The following PIP4K2C variants were observed in gnomAD, a reference collection of about 807,000 sequenced individuals.
PIP4K2C encodes phosphatidylinositol 5-phosphate 4-kinase type-2 gamma.
In PIP4K2C, 21 loss-of-function variants were observed where a neutral mutation model predicts 45.0. The ratio of observed to expected loss-of-function variants is 0.47; its 90% CI spans 0.33 to 0.67. The LOEUF is 0.67. PIP4K2C is among the 30% of genes least tolerant of loss of function. The pLI is 0.02. For missense variants in PIP4K2C, 456 were observed against 542.8 expected, an observed-to-expected ratio of 0.84 and a Z score of 1.59; for synonymous variants, 201 against 204.8, an observed-to-expected ratio of 0.98 and a Z score of 0.16.
At chr12:57,591,693 G>A (rs1191066425) in intron 1 of PIP4K2C, among the ~76,000 whole-genome samples, 1 of 152,094 alleles carries the variant, frequency 6.6e-6, no homozygotes, top group Non-Finnish European at 1.5e-5. Flanking sequence ...CCTTCCCCCC[G>A]TGAAATCCAG....
rs963121113 is a variant in PIP4K2C at position 57,601,700 on chromosome 12, C to G, written c.*94C>G. 6 of 1,147,744 alleles carry G rather than the reference C, an allele frequency of 5.2e-6. No individual in the cohort carries two copies. In the Middle Eastern group the frequency reaches 5.9e-4, roughly 114 times the overall value. 71.1% of individuals were successfully genotyped at this position (1,147,744 alleles called of 1,614,324 possible). A position where few individuals can be genotyped will look rare whatever the true frequency, so the allele number is the denominator to read the frequency against. ...TATTCTAGCCACCAGTTCTCTTCTTCCTTTGCTAAATTCAGGCTGCAGGCT... is the reference window on the plus strand; with the variant it reads ...TATTCTAGCCACCAGTTCTCTTCTTGCTTTGCTAAATTCAGGCTGCAGGCT... On this transcript the variant is annotated 3_prime_UTR_variant, in exon 10 of 10. Coordinates refer to ENST00000354947, the MANE Select transcript of PIP4K2C (RefSeq NM_024779.5).
Position 57,596,437 on chromosome 12 carries a change from A to G in PIP4K2C, c.513+406A>G, listed in dbSNP as rs1330853947. Among the ~76,000 whole-genome samples, 6 of 151,792 alleles carry G rather than the reference A, an allele frequency of 4.0e-5. No homozygotes were observed. The East Asian group carries it at 9.7e-4, about 24-fold the overall frequency. ...GAAGCGGAGGTTGTAGTGAGCCGAG[A>G]TCGTGCATTTGCACTTCAGCCTGGG... On this transcript the variant is annotated intron_variant, in intron 4 of 9. Coordinates refer to ENST00000354947, the MANE Select transcript of PIP4K2C (RefSeq NM_024779.5).
intron 2 of PIP4K2C, among the ~76,000 whole-genome samples, chr12:57,594,852 C>T (rs1405152668): frequency 6.6e-6 from 1 of 152,102 alleles, no homozygotes; most frequent in African/African-American, 2.4e-5. Context: ...TGCCTGTAGT[C>T]CCAGCTACTT....
intron 4 of PIP4K2C, 72 bp downstream of exon 4, chr12:57,596,103 T>C: frequency 1.3e-6 from 2 of 1,513,086 alleles, no homozygotes; most frequent in Non-Finnish European, 9.1e-7. Context: ...TTGTCAGTAA[T>C]AGATGCCAAC....
intron 1 of PIP4K2C, 90 bp downstream of exon 1, chr12:57,591,553 A>G (rs1882958620): frequency 7.2e-7 from 1 of 1,380,344 alleles, no homozygotes; most frequent in Non-Finnish European, 9.7e-7. Context: ...CCGGAGCCCC[A>G]CGCAGTGCCA....
chr12:57,593,160 T>C (rs1387115738), intron 1 of PIP4K2C, among the ~76,000 whole-genome samples: 1 of 152,052 alleles, frequency 6.6e-6, no homozygotes, highest in Non-Finnish European at 1.5e-5. Context: ...CTTGAAGAGC[T>C]CACAATCTAG....
At chr12:57,598,663 T>C (rs1043431122) in intron 4 of PIP4K2C, among the ~76,000 whole-genome samples, 2 of 151,660 alleles carry the variant, frequency 1.3e-5, no homozygotes, top group South Asian at 4.2e-4. Context: ...TTTTAAATTA[T>C]GGGAATCTAG....
Position 57,595,996 on chromosome 12 carries a change from G to A in PIP4K2C, c.478G>A (p.Ala160Thr), listed in dbSNP as rs1883177890. The change falls in exon 4 of 10, where the codon GCT becomes ACT. Residue 160 changes from alanine to threonine, a missense_variant. Coordinates refer to ENST00000354947, the MANE Select transcript of PIP4K2C (RefSeq NM_024779.5). ...CAAAGAAGTATCCAGTGAGGACATT[G>A]CTGACATGCATAGCAACCTCTCCAA... is the stretch of plus-strand genomic sequence containing the variant. ...VIKEVSSEDI[A>T]DMHSNLSNYH... The A allele has an allele frequency of 6.2e-7, 1 of 1,613,926 alleles. No individual in the cohort carries two copies.
At position 57,602,224 on chromosome 12, in the gene PIP4K2C, A is replaced by T. The variant is rs765377835; in HGVS notation, c.*618A>T. 1 of 154,214 alleles carries T rather than the reference A, an allele frequency of 6.5e-6. No homozygotes were observed. 9.6% of individuals were successfully genotyped at this position (154,214 alleles called of 1,614,324 possible). A position where few individuals can be genotyped will look rare whatever the true frequency, so the allele number is the denominator to read the frequency against. The stretch of plus-strand genomic sequence containing the variant: ...CAGCCTGGCACCTCACAGAGGTGGG[A>T]CCTAAGAGGACTCATGATTATGCAG... On this transcript the variant is annotated 3_prime_UTR_variant, in exon 10 of 10. Coordinates refer to ENST00000354947, the MANE Select transcript of PIP4K2C (RefSeq NM_024779.5).
Position 57,599,101 on chromosome 12 carries a change from C to G in PIP4K2C, c.550C>G (p.Gln184Glu). 1 of 1,614,214 alleles carries G rather than the reference C, an allele frequency of 6.2e-7. No homozygotes were observed. Among genetic ancestry groups the G allele is most frequent in the South Asian group, 1.1e-5 (1 of 91,088 alleles). Residue 184 changes from glutamine (Q) to glutamate (E), a missense_variant, in exon 5 of 10, where the codon CAG (glutamine) becomes GAG (glutamate). Gln to Glu is a conservative substitution (Grantham distance 29, BLOSUM62 2). This residue lies in a region of PIP4K2C where 421 missense variants were observed against 473.1 expected (regional missense o/e 0.89). Transcript: ENST00000354947. ...VKCHGNTLLP[Q>E]FLGMYRVSVD... ...GTGCCATGGCAACACGCTTCTGCCC[C>G]AGTTCCTGGGGATGTACCGAGTCAG...
intron 2 of PIP4K2C, 113 bp downstream of exon 2, chr12:57,594,235 A>T: frequency 2.4e-6 from 2 of 830,700 alleles, no homozygotes; most frequent in Admixed American, 2.8e-5. Context: ...TGCAGAAATT[A>T]GTTTTGTGCA....
At position 57,603,360 on chromosome 12, in the gene PIP4K2C, AATTT is replaced by A. The variant is rs1166295763; in HGVS notation, c.*1757_*1760del. 6.6e-6 allele frequency: 1 copy of A among 152,012 alleles called. No individual in the cohort carries two copies. Among genetic ancestry groups the A allele is most frequent in the Non-Finnish European group, 1.5e-5 (1 of 67,992 alleles). The allele number at this position is 152,012 out of a possible 1,614,324, so 9.4% of individuals were successfully genotyped here. On this transcript the variant is annotated 3_prime_UTR_variant, in exon 10 of 10. Transcript: ENST00000354947. ...TCATCTTTTTTGTTTTATTAATAAA[AATTT>A]ATGTATTTGCTCCTGTTACTATAAT...
rs1345384797 is a variant in PIP4K2C at position 57,601,626 on chromosome 12, T to C, written c.*20T>C. 6.3e-7 allele frequency: 1 copy of C among 1,581,492 alleles called. No homozygotes were observed. Among genetic ancestry groups the C allele is most frequent in the Admixed American group, 1.7e-5 (1 of 59,954 alleles). ...GCCTAAGAGACTGCCTGGTTCTCTC[T>C]GATGTTCAAGGTGGTGGGGTTCTGA... On this transcript the variant is annotated 3_prime_UTR_variant, in exon 10 of 10. Transcript: ENST00000354947.
Position 57,601,706 on chromosome 12 carries a change from C to A in PIP4K2C, c.*100C>A. 9.3e-7 allele frequency: 1 copy of A among 1,080,192 alleles called. No individual in the cohort carries two copies. The highest frequency in any genetic ancestry group is 1.4e-6 in the Non-Finnish European group (1 of 698,548). 66.9% of individuals were successfully genotyped at this position (1,080,192 alleles called of 1,614,324 possible). On this transcript the variant is annotated 3_prime_UTR_variant, in exon 10 of 10. Transcript: ENST00000354947. Reference sequence around the variant, plus strand: ...AGCCACCAGTTCTCTTCTTCCTTTGCTAAATTCAGGCTGCAGGCTCCTTCC... The same window carrying A: ...AGCCACCAGTTCTCTTCTTCCTTTGATAAATTCAGGCTGCAGGCTCCTTCC...
At chr12:57,598,105 C>T (rs1372110146) in intron 4 of PIP4K2C, 2 of 152,234 alleles carry the variant, frequency 1.3e-5, no homozygotes, top group African/African-American at 2.4e-5. Context: ...GAGACAGGAT[C>T]TCACTGTGTT....
rs763800206 is a variant in PIP4K2C, at chr12:57,595,928, G to C, written c.410G>C (p.Ser137Thr). The C allele has an allele frequency of 2.5e-6, 4 of 1,614,118 alleles. No homozygotes were observed. Among genetic ancestry groups the C allele is most frequent in the Non-Finnish European group, 3.4e-6 (4 of 1,180,000 alleles). Reference sequence around the variant, plus strand: ...AACCCCCCCAGCGAAAGTGAAGGCAGTGATGGTCGCTTCCTTATCTCCTAC... The same window carrying C: ...AACCCCCCCAGCGAAAGTGAAGGCACTGATGGTCGCTTCCTTATCTCCTAC... ...TRNPPSESEG[S>T]DGRFLISYDR... The change falls in exon 4 of 10, where the codon AGT (serine) becomes ACT (threonine). Residue 137 changes from serine to threonine, a missense_variant. This residue lies in a region of PIP4K2C where 421 missense variants were observed against 473.1 expected (regional missense o/e 0.89). Coordinates refer to ENST00000354947, the MANE Select transcript of PIP4K2C (RefSeq NM_024779.5).
Position 57,595,216 on chromosome 12 carries a change from T to C in PIP4K2C, c.363T>C (p.Asp121=). The C allele has an allele frequency of 6.3e-7, 1 of 1,595,908 alleles. No individual in the cohort carries two copies. The highest frequency in any genetic ancestry group is 1.3e-5 in the African/African-American group (1 of 74,598). Residue 121 remains aspartate (D), a synonymous_variant, in exon 3 of 10, where the codon GAT becomes GAC. Coordinates refer to ENST00000354947, the MANE Select transcript of PIP4K2C (RefSeq NM_024779.5). ...LRDRFGIDDQ[D]YLVSLTRNPP... ...ATCGATTTGGCATTGATGACCAAGATTACTTGGTGAGAGTCCATTAAGGGG... is the reference window on the plus strand; with the variant it reads ...ATCGATTTGGCATTGATGACCAAGACTACTTGGTGAGAGTCCATTAAGGGG...
intron 1 of PIP4K2C, among the ~76,000 whole-genome samples, chr12:57,592,918 T>C (rs1883024148): frequency 1.3e-5 from 2 of 150,742 alleles, no homozygotes; most frequent in Non-Finnish European, 3.0e-5. Context: ...TTTTTTTTAA[T>C]CTGGAGGGAT....
In PIP4K2C at chr12:57,592,744, G is replaced by A. The variant is rs960954769; in HGVS notation, c.174+1281G>A. On this transcript the variant is annotated intron_variant, in intron 1 of 9. Coordinates refer to ENST00000354947, the MANE Select transcript of PIP4K2C (RefSeq NM_024779.5). ...ACTAGGTATATATACTTTAGCCCCA[G>A]CACCCCACCCTCTGCCAACACACAT... Among the ~76,000 whole-genome samples, 6 of 152,094 alleles carry A rather than the reference G, an allele frequency of 3.9e-5. No individual in the cohort carries two copies. The East Asian group carries it at 1.2e-3, about 29-fold the overall frequency.
Sources: allele counts gnomAD v4.1 joint callset (sites outside exome capture counted in the v4.1 genomes callset), GRCh38; gene constraint gnomAD v4.1.1; regional missense constraint gnomAD v4.1.1; transcripts MANE v1.5; gene names NCBI Gene and HGNC (gene_info 2026-07-23, HGNC 2026-07-21).